The following NCKAP5 variants were observed in gnomAD, a reference collection of about 807,000 sequenced individuals.
The protein encoded by NCKAP5 is nck-associated protein 5.
A neutral mutation model predicts 167.0 loss-of-function variants in NCKAP5; 92 were observed. The ratio of observed to expected loss-of-function variants is 0.55; its 90% CI spans 0.47 to 0.66. NCKAP5 has a LOEUF of 0.66. Among genes scored for constraint, NCKAP5 ranks in the 30% least tolerant of loss-of-function variants. The pLI is 0.00. For synonymous variants in NCKAP5, 891 were observed against 877.4 expected (o/e 1.02, Z -0.27); for missense variants, 2,378 against 2,315.0 (o/e 1.03, Z -0.56).
At chr2:133,615,812 C>T in the NCKAP5 span, among the ~76,000 whole-genome samples, 2 of 152,158 alleles carry the variant, frequency 1.3e-5, no homozygotes, top group Non-Finnish European at 2.9e-5. Flanking sequence ...TAATAGACAA[C>T]TACAGAACTC....
At chr2:133,603,064 C>T in the NCKAP5 span, among the ~76,000 whole-genome samples, 1 of 152,024 alleles carries the variant, frequency 6.6e-6, no homozygotes, top group African/African-American at 2.4e-5. Flanking sequence ...GGAGGATCAC[C>T]GATGTTTATC....
At chr2:133,003,554 T>C (rs1342889880) in intron 6 of NCKAP5, among the ~76,000 whole-genome samples, 1 of 152,194 alleles carries the variant, frequency 6.6e-6, no homozygotes, top group Non-Finnish European at 1.5e-5. Flanking sequence ...TGGATGCTCT[T>C]AACCCAATCT....
chr2:132,733,128 C>A lies in NCKAP5; in HGVS notation c.5129-1077G>T, dbSNP rs74453465. On this transcript the variant is annotated intron_variant, in intron 16 of 19. Transcript: ENST00000409261. ...TTATATACGGAGAAAAGTACAGTAT[C>A]TGAAAAAATTACCACGTCATTTCTG... Among the ~76,000 whole-genome samples, 812 of 152,294 alleles carry A rather than the reference C, an allele frequency of 5.3e-3. 9 individuals carry two copies. The highest frequency in any genetic ancestry group is 0.018 in the African/African-American group (738 of 41,570).
chr2:133,375,851 A>T (rs1487105206), intron 3 of NCKAP5, among the ~76,000 whole-genome samples: 1 of 152,242 alleles, frequency 6.6e-6, no homozygotes, highest in African/African-American at 2.4e-5. Flanking sequence ...TCACTGATGA[A>T]CATTGATGAA....
chr2:133,587,448 C>G, the NCKAP5 span, among the ~76,000 whole-genome samples: 1 of 152,084 alleles, frequency 6.6e-6, no homozygotes, highest in Non-Finnish European at 1.5e-5. Flanking sequence ...GAGGTGACAT[C>G]GGAATGGAAA....
At chr2:133,505,526 C>A (rs1682927356) in intron 3 of NCKAP5, among the ~76,000 whole-genome samples, 3 of 152,176 alleles carry the variant, frequency 2.0e-5, no homozygotes, top group Non-Finnish European at 4.4e-5. Flanking sequence ...CATGGTACTG[C>A]ATGCCCTATT....
At chr2:133,383,831 T>G (rs1172908546) in intron 3 of NCKAP5, among the ~76,000 whole-genome samples, 1 of 152,248 alleles carries the variant, frequency 6.6e-6, no homozygotes, top group East Asian at 1.9e-4. Flanking sequence ...ACAAGCATTT[T>G]TTCATGTGTC....
intron 8 of NCKAP5, among the ~76,000 whole-genome samples, chr2:132,901,777 A>T (rs1693647231): frequency 6.6e-6 from 1 of 152,244 alleles, no homozygotes; most frequent in Non-Finnish European, 1.5e-5. Context: ...AGCAAAAGGC[A>T]GTGTTGCACT....
At chr2:133,565,787 T>G (rs1320351075) in intron 1 of NCKAP5, among the ~76,000 whole-genome samples, 5 of 152,260 alleles carry the variant, frequency 3.3e-5, no homozygotes, top group Admixed American at 2.0e-4. Context: ...CACAGTAATG[T>G]GGTAATTTTG....
chr2:133,244,354 T>C (rs1484125179), intron 4 of NCKAP5, among the ~76,000 whole-genome samples: 1 of 152,198 alleles, frequency 6.6e-6, no homozygotes, highest in Admixed American at 6.5e-5. Context: ...TGTTCCAACA[T>C]GCATTAACTT....
At chr2:133,582,578 A>T in the NCKAP5 span, among the ~76,000 whole-genome samples, 11 of 152,304 alleles carry the variant, frequency 7.2e-5, no homozygotes, top group African/African-American at 2.4e-4. Context: ...GCTTTGCTGT[A>T]GTATGGGCAG....
At chr2:133,583,528 C>T in the NCKAP5 span, among the ~76,000 whole-genome samples, 5,455 of 152,224 alleles carry the variant, frequency 0.036, 140 homozygotes, top group South Asian at 0.074. Context: ...TTATAAATTA[C>T]CCAGCCTCAA....
chr2:133,457,171 G>A (rs1297911970), intron 3 of NCKAP5, among the ~76,000 whole-genome samples: 5 of 152,106 alleles, frequency 3.3e-5, no homozygotes, highest in African/African-American at 4.8e-5. Flanking sequence ...CTGGAGACAG[G>A]GGAAATTGGA....
intron 3 of NCKAP5, among the ~76,000 whole-genome samples, chr2:133,449,311 C>G (rs768803892): frequency 6.6e-6 from 1 of 152,160 alleles, no homozygotes; most frequent in Admixed American, 6.5e-5. Flanking sequence ...AGTTCTTAGT[C>G]CTTTTTCCTT....
At chr2:132,715,714 C>T (rs1309057156) in intron 19 of NCKAP5, among the ~76,000 whole-genome samples, 3 of 152,164 alleles carry the variant, frequency 2.0e-5, no homozygotes, top group Non-Finnish European at 2.9e-5. Flanking sequence ...GACAAAGACA[C>T]CGTGGAGGGA....
chr2:132,830,417 G>A (rs1558831830), intron 11 of NCKAP5, among the ~76,000 whole-genome samples: 1 of 152,032 alleles, frequency 6.6e-6, no homozygotes, highest in South Asian at 2.1e-4. Context: ...TCTAAGGACA[G>A]TCTGTTTCCC....
At position 133,180,446 on chromosome 2, in the gene NCKAP5, C is replaced by T. The variant is rs143540033; in HGVS notation, c.207+33270G>A. 1.3e-3 allele frequency among the ~76,000 whole-genome samples: 201 copies of T among 152,158 alleles called. 2 individuals carry two copies. The highest frequency in any genetic ancestry group is 6.8e-3 in the Middle Eastern group (2 of 294). ...AACTCCCCAGGCTCAGGTGATCCTC[C>T]CCACTGCAGTCTCCGTAGTAGCTGG... On this transcript the variant is annotated intron_variant, in intron 5 of 19. Coordinates refer to ENST00000409261, the MANE Select transcript of NCKAP5 (RefSeq NM_207363.3).
chr2:133,505,364 T>A (rs1682910679), intron 3 of NCKAP5, among the ~76,000 whole-genome samples: 1 of 151,244 alleles, frequency 6.6e-6, no homozygotes, highest in African/African-American at 2.4e-5. Context: ...TATTCCACTT[T>A]TAAACATCAT....
intron 3 of NCKAP5, among the ~76,000 whole-genome samples, chr2:133,440,752 A>G (rs955628466): frequency 4.0e-5 from 6 of 149,908 alleles, no homozygotes; most frequent in Non-Finnish European, 5.9e-5. Flanking sequence ...ATTTTAGAAT[A>G]TGAGAGGCAA....
Sources: allele counts gnomAD v4.1 joint callset (sites outside exome capture counted in the v4.1 genomes callset), GRCh38; gene constraint gnomAD v4.1.1; transcripts MANE v1.5; gene names NCBI Gene and HGNC (gene_info 2026-07-23, HGNC 2026-07-21).